PCDHGB7: variants seen among roughly 807,000 people sequenced by gnomAD.
PCDHGB7 encodes the protein protocadherin gamma subfamily B, 7.
PCDHGB7 carries 37 observed loss-of-function variants against 61.4 expected under a neutral mutation model. The observed-to-expected ratio is 0.60, with a 90% CI of 0.46 to 0.79. The LOEUF is 0.79. Ranked by LOEUF, PCDHGB7 falls within the 30% of genes least tolerant of loss-of-function variation. PCDHGB7 has a pLI of 0.00. For synonymous variants in PCDHGB7, 464 were observed against 503.5 expected (o/e 0.92, Z 1.05); for missense variants, 1,166 against 1,202.5 (o/e 0.97, Z 0.45).
intron 1 of PCDHGB7, chr5:141,427,265 C>T (rs767369457): frequency 6.1e-5 from 28 of 456,570 alleles, no homozygotes; most frequent in Non-Finnish European, 1.1e-4. Context: ...GCATGACCAG[C>T]GAATGTAAAA....
intron 2 of PCDHGB7, among the ~76,000 whole-genome samples, chr5:141,502,723 G>C (rs771399677): frequency 3.9e-5 from 6 of 152,124 alleles, no homozygotes; most frequent in Non-Finnish European, 8.8e-5. Flanking sequence ...TGATTACAAA[G>C]CGGTGATGTT....
At chr5:141,428,823 T>C (rs2097162740) in intron 1 of PCDHGB7, 1 of 152,274 alleles carries the variant, frequency 6.6e-6, no homozygotes, top group Non-Finnish European at 1.5e-5. Context: ...TTAGCTTTCA[T>C]GTATTTTTGA....
At position 141,422,099 on chromosome 5, in the gene PCDHGB7, A is replaced by G. The variant is rs374091819; in HGVS notation, c.2415+1825A>G. ...CGGAACATGGAAAGCAAGGCTTCTG[A>G]AATATTCCAATTGGATTCACAAACT... On this transcript the variant is annotated intron_variant, in intron 1 of 3. Transcript: ENST00000398594. 1.9e-6 allele frequency: 3 copies of G among 1,609,706 alleles called. No homozygotes were observed. The African/African-American group carries it at 4.0e-5, about 22-fold the overall frequency.
At chr5:141,463,650 A>G (rs1206605758) in intron 1 of PCDHGB7, among the ~76,000 whole-genome samples, 1 of 151,746 alleles carries the variant, frequency 6.6e-6, no homozygotes, top group South Asian at 2.1e-4. Flanking sequence ...ACGGGGTTTC[A>G]CCGTGTTAGC....
intron 1 of PCDHGB7, among the ~76,000 whole-genome samples, chr5:141,483,203 A>G (rs940487337): frequency 6.6e-6 from 1 of 152,204 alleles, no homozygotes; most frequent in Admixed American, 6.5e-5. Flanking sequence ...ATTTTATTCC[A>G]TATAGATGAC....
At chr5:141,472,295 A>G (rs147192748) in intron 1 of PCDHGB7, among the ~76,000 whole-genome samples, 8,225 of 152,254 alleles carry the variant, frequency 0.054, 462 homozygotes, top group African/African-American at 0.15. Flanking sequence ...TAATCCCAGC[A>G]CTTTGGGAAG....
Position 141,432,492 on chromosome 5 carries a change from C to G in PCDHGB7, c.2415+12218C>G. The G allele has an allele frequency of 6.2e-7, 1 of 1,614,168 alleles. No individual in the cohort carries two copies. The highest frequency in any genetic ancestry group is 8.5e-7 in the Non-Finnish European group (1 of 1,180,040). On this transcript the variant is annotated intron_variant, in intron 1 of 3. Transcript: ENST00000398594. This position sits in a 1 kb window ranked among gnomAD's most constrained non-coding sequence, Gnocchi z 6.0. Reference sequence around the variant, plus strand: ...GACGGTTCCACTGGCGTGGAGCTGGCTCCCCGCTCCGCAGAGCCCGGCTAC... The same window carrying G: ...GACGGTTCCACTGGCGTGGAGCTGGGTCCCCGCTCCGCAGAGCCCGGCTAC...
intron 1 of PCDHGB7, chr5:141,441,330 C>T (rs919906372): frequency 8.5e-5 from 13 of 152,170 alleles, no homozygotes; most frequent in Admixed American, 1.3e-4. Context: ...AATCTTCCTC[C>T]AATAATTAAC....
chr5:141,474,244 A>G (rs910247549), intron 1 of PCDHGB7, among the ~76,000 whole-genome samples: 26 of 152,270 alleles, frequency 1.7e-4, no homozygotes, highest in Non-Finnish European at 3.2e-4. Context: ...TGAATAGGGG[A>G]AAAAAAGACT....
chr5:141,432,539 G>A lies in PCDHGB7; in HGVS notation c.2415+12265G>A. 2.5e-6 allele frequency: 4 copies of A among 1,614,038 alleles called. No individual in the cohort carries two copies. Among genetic ancestry groups the A allele is most frequent in the Non-Finnish European group, 3.4e-6 (4 of 1,180,022 alleles). ...CTACCTGGTGACCAAGGTGGTGGCG[G>A]TGGACAGAGACTCCGGCCAGAACGC... On this transcript the variant is annotated intron_variant, in intron 1 of 3. Transcript: ENST00000398594. The surrounding 1 kb of genome is among the most constrained non-coding windows in gnomAD (Gnocchi z 6.0).
In PCDHGB7 at chr5:141,418,244, C is replaced by T. The variant is rs746986702; in HGVS notation, c.385C>T (p.His129Tyr). 1.3e-5 allele frequency: 21 copies of T among 1,613,980 alleles called. No individual in the cohort carries two copies. The South Asian group carries it at 2.2e-4, about 17-fold the overall frequency. ...VIVVIEDVND[H>Y]APQFRKDEIN... ...TGTGGTGATTGAGGATGTTAATGAC[C>T]ACGCCCCTCAATTCCGGAAAGATGA... is the stretch of plus-strand genomic sequence containing the variant. The change falls in exon 1 of 4, where the codon CAC (histidine) becomes TAC (tyrosine). Residue 129 changes from histidine (H) to tyrosine (Y), a missense_variant. Transcript: ENST00000398594.
intron 1 of PCDHGB7, chr5:141,423,638 A>G (rs771989468): frequency 2.5e-6 from 4 of 1,598,292 alleles, no homozygotes; most frequent in Non-Finnish European, 3.4e-6. Context: ...ATTTTAGGCA[A>G]ATGTGACCCG....
chr5:141,488,633 A>G (rs2099677537), intron 1 of PCDHGB7, among the ~76,000 whole-genome samples: 1 of 152,174 alleles, frequency 6.6e-6, no homozygotes, highest in South Asian at 2.1e-4. Context: ...TCACCTTAGC[A>G]GCATTCAGCA....
At chr5:141,497,848 T>C (rs2099779951) in intron 2 of PCDHGB7, among the ~76,000 whole-genome samples, 1 of 152,178 alleles carries the variant, frequency 6.6e-6, no homozygotes, top group South Asian at 2.1e-4. Flanking sequence ...AACAAACATT[T>C]TTGATTCAGC....
chr5:141,495,833 G>A (rs559689667), intron 2 of PCDHGB7, among the ~76,000 whole-genome samples: 3 of 151,876 alleles, frequency 2.0e-5, no homozygotes, highest in African/African-American at 4.8e-5. Context: ...TCTATCCCCA[G>A]CCTCTATGTT....
chr5:141,418,046 G>A lies in PCDHGB7; in HGVS notation c.187G>A (p.Ala63Thr), dbSNP rs757311166. ...DLGLSVLDVS[A>T]RELRVSAEKL... is the part of the protein sequence containing the mutation. ...AGGGCTTAGTGTCCTGGATGTGTCG[G>A]CTCGCGAGCTGCGAGTGAGCGCGGA... The change falls in exon 1 of 4, where the codon GCT (alanine) becomes ACT (threonine). Residue 63 changes from alanine to threonine, a missense_variant. Coordinates refer to ENST00000398594, the MANE Select transcript of PCDHGB7 (RefSeq NM_018927.4). The A allele has an allele frequency of 1.9e-6, 3 of 1,613,888 alleles. No individual in the cohort carries two copies. The highest frequency in any genetic ancestry group is 3.3e-5 in the Admixed American group (2 of 60,012).
intron 1 of PCDHGB7, among the ~76,000 whole-genome samples, chr5:141,473,757 T>C (rs993403397): frequency 6.6e-6 from 1 of 152,240 alleles, no homozygotes; most frequent in Non-Finnish European, 1.5e-5. Context: ...TTGGATACTA[T>C]GCAAAGGATT....
intron 1 of PCDHGB7, chr5:141,427,032 A>G (rs1227315080): frequency 2.2e-6 from 1 of 457,206 alleles, no homozygotes; most frequent in East Asian, 6.9e-5. Flanking sequence ...AGTCAGCCTT[A>G]GAGAGAATGT....
At position 141,419,158 on chromosome 5, in the gene PCDHGB7, C is replaced by G. The variant is rs757849297; in HGVS notation, c.1299C>G (p.Ser433=). 1 of 1,613,950 alleles carries G rather than the reference C, an allele frequency of 6.2e-7. No homozygotes were observed. The highest frequency in any genetic ancestry group is 1.1e-5 in the South Asian group (1 of 91,088). The change falls in exon 1 of 4, where the codon TCC becomes TCG. Residue 433 remains serine (S), a synonymous_variant. Transcript: ENST00000398594. ...AATDRGKPPL[S]SSKTITLHIT... The stretch of plus-strand genomic sequence containing the variant: ...CAGACAGGGGCAAGCCTCCGTTATC[C>G]TCCAGCAAAACCATAACCCTGCACA...
Sources: gnomAD v4.1 joint callset for allele counts (sites outside exome capture counted in the v4.1 genomes callset) on GRCh38, gnomAD v4.1.1 for gene constraint, Gnocchi (gnomAD v3.1) non-coding constraint, MANE v1.5 for transcripts, NCBI Gene and HGNC (gene_info 2026-07-23, HGNC 2026-07-21) for gene names.